Variants in RBM25 observed in about 807,000 individuals in gnomAD.
RBM25 encodes RNA-binding protein 25.
Under a neutral mutation model 120.7 loss-of-function variants are expected in RBM25, and 19 were observed. The observed-to-expected ratio is 0.16, with a 90% CI of 0.11 to 0.23. The LOEUF (loss-of-function observed/expected upper bound fraction) is 0.23, where lower values mean the gene tolerates loss of function less well. Ranked by LOEUF, RBM25 falls within the 10% of genes least tolerant of loss-of-function variation. RBM25 has a pLI of 1.00. For synonymous variants in RBM25, 390 were observed against 326.7 expected, an observed-to-expected ratio of 1.19 and a Z score of -2.09; for missense variants, 605 against 1,041.5, an observed-to-expected ratio of 0.58 and a Z score of 5.77.
intron 12 of RBM25, 91 bp from the exon 13 acceptor site, chr14:73,107,735 T>C: frequency 2.2e-6 from 2 of 923,748 alleles, no homozygotes; most frequent in South Asian, 1.4e-5. Context: ...GGTTTATGTC[T>C]GGGTCAGAAA....
intron 5 of RBM25, among the ~76,000 whole-genome samples, chr14:73,084,142 C>T (rs905343113): frequency 6.6e-6 from 1 of 152,090 alleles, no homozygotes; most frequent in Non-Finnish European, 1.5e-5. Context: ...AGATGATCCA[C>T]CCGCCTTGAC....
intron 18 of RBM25, among the ~76,000 whole-genome samples, chr14:73,117,649 G>A (rs56208238): frequency 0.012 from 1,760 of 152,214 alleles, 30 homozygotes; most frequent in African/African-American, 0.038. Context: ...TAGCTACATC[G>A]CCTCCACTTT....
At position 73,100,088 on chromosome 14, in the gene RBM25, T is replaced by C. The variant is rs978373028; in HGVS notation, c.867+338T>C. 43 of 474,258 alleles carry C rather than the reference T, an allele frequency of 9.1e-5. 1 individual carries two copies. Among genetic ancestry groups the C allele is most frequent in the Non-Finnish European group, 2.2e-5 (6 of 268,808 alleles). The allele number at this position is 474,258 out of a possible 1,614,324, so 29.4% of individuals were successfully genotyped here. ...AGGATAACATACACTGTAGTGTATT[T>C]CTGGGGGCAGTTATTTAACTTGATC... On this transcript the variant is annotated intron_variant, in intron 9 of 18. Coordinates refer to ENST00000261973, the MANE Select transcript of RBM25 (RefSeq NM_021239.3).
chr14:73,061,728 G>A (rs574886532), intron 1 of RBM25, among the ~76,000 whole-genome samples: 2 of 151,146 alleles, frequency 1.3e-5, no homozygotes, highest in South Asian at 4.2e-4. Flanking sequence ...CACCATGCCT[G>A]GCTATTTTTT....
intron 6 of RBM25, among the ~76,000 whole-genome samples, chr14:73,092,391 T>A (rs1895838808): frequency 6.6e-6 from 1 of 152,110 alleles, no homozygotes; most frequent in Non-Finnish European, 1.5e-5. Context: ...TTTAGAAAGC[T>A]GTTAAGTAGA....
intron 1 of RBM25, among the ~76,000 whole-genome samples, chr14:73,065,740 G>T (rs1008902047): frequency 2.7e-5 from 4 of 150,532 alleles, no homozygotes; most frequent in East Asian, 4.0e-4. Context: ...TTTTAGTGGA[G>T]ACAGGGGTTT....
chr14:73,063,190 C>T (rs1895045597), intron 1 of RBM25, among the ~76,000 whole-genome samples: 1 of 151,072 alleles, frequency 6.6e-6, no homozygotes. Flanking sequence ...GGCTCTGTCG[C>T]CCAGGCTGGA....
chr14:73,103,438 G>A lies in RBM25; in HGVS notation c.1114G>A (p.Glu372Lys). Residue 372 changes from glutamate to lysine, a missense_variant, in exon 10 of 19, where the codon GAA (glutamate) becomes AAA (lysine). Physicochemically the swap from Glu to Lys is moderately conservative, Grantham distance 56. Around this residue, in one of 4 missense-constraint regions of RBM25, gnomAD observed 465 missense variants for 741.6 expected, o/e 0.63. Transcript: ENST00000261973. Reference protein sequence around the residue: ...DRERDRDRDRERSSDRNKDRS... With the variant: ...DRERDRDRDRKRSSDRNKDRS... ...AGAGAGAGATCGTGACCGGGATAGA[G>A]AAAGGAGCTCAGATCGTAATAAGGA... 2 of 1,611,298 alleles carry A rather than the reference G, an allele frequency of 1.2e-6. No individual in the cohort carries two copies. The highest frequency in any genetic ancestry group is 1.7e-6 in the Non-Finnish European group (2 of 1,179,084).
At chr14:73,116,072 G>GTTT (rs140937306) in intron 18 of RBM25, among the ~76,000 whole-genome samples, 1 of 146,802 alleles carries the variant, frequency 6.8e-6, no homozygotes, top group African/African-American at 2.5e-5. Context: ...CCATGGAGTT[G>GTTT]TTTTTTTTTT....
At chr14:73,095,080 T>G (rs984917175) in intron 6 of RBM25, among the ~76,000 whole-genome samples, 1 of 151,936 alleles carries the variant, frequency 6.6e-6, no homozygotes, top group Admixed American at 6.6e-5. Flanking sequence ...GGTCTCGAAC[T>G]CCTGACCTCG....
chr14:73,090,468 T>C (rs1220863689), intron 6 of RBM25, among the ~76,000 whole-genome samples: 1 of 152,216 alleles, frequency 6.6e-6, no homozygotes, highest in Non-Finnish European at 1.5e-5. Flanking sequence ...CCCTTTTGCT[T>C]TGCTGGCATC....
chr14:73,060,940 G>A (rs1180687114), intron 1 of RBM25, among the ~76,000 whole-genome samples: 2 of 151,136 alleles, frequency 1.3e-5, no homozygotes, highest in Non-Finnish European at 3.0e-5. Flanking sequence ...CTAAAAATTA[G>A]GACTAGTCTT....
Position 73,120,709 on chromosome 14 carries a change from G to C in RBM25, c.*904G>C, listed in dbSNP as rs1465787272. ...TCCTTAGTTTAATTCTATTGTATCT[G>C]TTTATTTAACAAAAAATTCATCATA... On this transcript the variant is annotated 3_prime_UTR_variant, in exon 19 of 19. Coordinates refer to ENST00000261973, the MANE Select transcript of RBM25 (RefSeq NM_021239.3). 1 of 151,998 alleles carries C rather than the reference G, an allele frequency of 6.6e-6. No individual in the cohort carries two copies. The highest frequency in any genetic ancestry group is 1.5e-5 in the Non-Finnish European group (1 of 67,978). 9.4% of individuals were successfully genotyped at this position (151,998 alleles called of 1,614,324 possible). A position where few individuals can be genotyped will look rare whatever the true frequency, so the allele number is the denominator to read the frequency against.
intron 1 of RBM25, among the ~76,000 whole-genome samples, chr14:73,060,790 GCTAT>G (rs1022543886): frequency 5.3e-5 from 8 of 151,378 alleles, no homozygotes; most frequent in African/African-American, 1.9e-4. Flanking sequence ...AGAAATCTCA[GCTAT>G]CTTTCACCAG....
At chr14:73,080,426 T>C (rs746541584) in intron 4 of RBM25, among the ~76,000 whole-genome samples, 7 of 152,196 alleles carry the variant, frequency 4.6e-5, no homozygotes, top group South Asian at 4.1e-4. Flanking sequence ...GGTTTCACCA[T>C]GTTAGCCAGG....
intron 18 of RBM25, among the ~76,000 whole-genome samples, chr14:73,115,449 G>C (rs1030574755): frequency 1.3e-5 from 2 of 152,132 alleles, no homozygotes; most frequent in Non-Finnish European, 2.9e-5. Context: ...TCCTGTGTTA[G>C]TTTGCTAAGG....
At chr14:73,084,360 T>C (rs1895635445) in intron 5 of RBM25, among the ~76,000 whole-genome samples, 1 of 152,206 alleles carries the variant, frequency 6.6e-6, no homozygotes, top group Non-Finnish European at 1.5e-5. Context: ...TTTAAGTTAT[T>C]CTATTTCTAA....
intron 9 of RBM25, chr14:73,100,448 A>G (rs1896033763): frequency 1.9e-6 from 1 of 530,318 alleles, no homozygotes. Flanking sequence ...GGAAATGGGT[A>G]TTTATGCATA....
At chr14:73,068,612 C>A in intron 1 of RBM25, 1 of 469,448 alleles carries the variant, frequency 2.1e-6, no homozygotes, top group Non-Finnish European at 4.1e-6. Flanking sequence ...AGAAGTCTGG[C>A]TGGCATTACC....
Sources: allele counts gnomAD v4.1 joint callset (sites outside exome capture counted in the v4.1 genomes callset), GRCh38; gene constraint gnomAD v4.1.1; regional missense constraint gnomAD v4.1.1; transcripts MANE v1.5; gene names NCBI Gene and HGNC (gene_info 2026-07-23, HGNC 2026-07-21).